Variants in NCK2 observed in about 807,000 individuals in gnomAD.
NCK2 encodes NCK adaptor protein 2.
Under a neutral mutation model 33.9 loss-of-function variants are expected in NCK2, and 16 were observed. That is an observed-to-expected ratio of 0.47 (90% CI 0.32 to 0.72). The LOEUF (loss-of-function observed/expected upper bound fraction) is 0.72. Among genes scored for constraint, NCK2 ranks in the 30% least tolerant of loss-of-function variants. The pLI is 0.03. For synonymous variants in NCK2, 273 were observed against 239.9 expected (o/e 1.14, Z -1.27); for missense variants, 418 against 537.3 (o/e 0.78, Z 2.19).
intron 1 of NCK2, among the ~76,000 whole-genome samples, chr2:105,800,205 G>A (rs796686402): frequency 2.6e-5 from 4 of 152,286 alleles, no homozygotes; most frequent in African/African-American, 9.6e-5. Context: ...CATGCCCAGG[G>A]TGAACACCAA....
At chr2:105,835,424 T>TATATATATACGTG (rs1553458625) in intron 2 of NCK2, among the ~76,000 whole-genome samples, 4 of 122,530 alleles carry the variant, frequency 3.3e-5, no homozygotes, top group Admixed American at 8.3e-5. Context: ...TATATATATA[T>TATATATATACGTG]TTTTTTTTTG....
chr2:105,750,037 A>C (rs200294110), intron 1 of NCK2, among the ~76,000 whole-genome samples: 7 of 144,552 alleles, frequency 4.8e-5, no homozygotes, highest in East Asian at 2.1e-4. Context: ...AAAGCAAACA[A>C]ACACACACAC....
chr2:105,862,391 A>AC (rs1438833260), intron 3 of NCK2, among the ~76,000 whole-genome samples: 1 of 152,134 alleles, frequency 6.6e-6, no homozygotes, highest in Non-Finnish European at 1.5e-5. Context: ...ATGTAATAGC[A>AC]CCCCAGGCCA....
intron 4 of NCK2, among the ~76,000 whole-genome samples, chr2:105,885,545 G>C (rs1307418794): frequency 6.6e-6 from 1 of 152,020 alleles, no homozygotes; most frequent in African/African-American, 2.4e-5. Flanking sequence ...ACTGTATGTA[G>C]TGTGTATCAG....
At chr2:105,745,831 C>T (rs573087658) in intron 1 of NCK2, 1 of 152,340 alleles carries the variant, frequency 6.6e-6, no homozygotes, top group Non-Finnish European at 1.5e-5. Flanking sequence ...TCGCTCGGCT[C>T]TCTCGGTTTT....
chr2:105,816,664 A>T (rs1675498171), intron 2 of NCK2, 51 bp downstream of exon 2: 1 of 152,222 alleles, frequency 6.6e-6, no homozygotes, highest in Non-Finnish European at 1.5e-5. Flanking sequence ...TTTTGCTTCA[A>T]ATGCTTAATT....
intron 1 of NCK2, among the ~76,000 whole-genome samples, chr2:105,813,962 T>G (rs1675386746): frequency 6.6e-6 from 1 of 152,244 alleles, no homozygotes; most frequent in African/African-American, 2.4e-5. Flanking sequence ...ACACTCCTTC[T>G]GTATATTCCT....
chr2:105,758,311 T>G lies in NCK2; in HGVS notation c.-201+13173T>G, dbSNP rs1263279462. On this transcript the variant is annotated intron_variant, in intron 1 of 4. Transcript: ENST00000233154. ...ATTGCACATCAATCCTGTGCACACA[T>G]TTTACAGGTTTGTTTTATCCTATTG... is the stretch of plus-strand genomic sequence containing the variant. Among the ~76,000 whole-genome samples the G allele has an allele frequency of 2.6e-5, 4 of 152,302 alleles. No individual in the cohort carries two copies. In the East Asian group the frequency reaches 7.7e-4, roughly 29 times the overall value.
At chr2:105,803,338 A>G (rs1239856046) in intron 1 of NCK2, among the ~76,000 whole-genome samples, 2 of 152,138 alleles carry the variant, frequency 1.3e-5, no homozygotes. Flanking sequence ...ATAAATAGGC[A>G]CTGCTATGTA....
At chr2:105,857,391 C>T (rs184327736) in intron 3 of NCK2, among the ~76,000 whole-genome samples, 3 of 152,224 alleles carry the variant, frequency 2.0e-5, no homozygotes, top group Non-Finnish European at 4.4e-5. Flanking sequence ...AGCGTCGGTT[C>T]GAGTAGGCCA....
chr2:105,891,708 G>C (rs375533115), intron 4 of NCK2, among the ~76,000 whole-genome samples: 25 of 151,814 alleles, frequency 1.6e-4, no homozygotes, highest in Middle Eastern at 6.8e-3. Context: ...CACCATGCCT[G>C]GCTAATTTTG....
intron 2 of NCK2, among the ~76,000 whole-genome samples, chr2:105,848,986 T>C (rs1676957138): frequency 6.6e-6 from 1 of 152,246 alleles, no homozygotes; most frequent in Non-Finnish European, 1.5e-5. Context: ...TATATTTTGG[T>C]ATGCACACAT....
chr2:105,763,672 A>G (rs1689838864), intron 1 of NCK2, among the ~76,000 whole-genome samples: 1 of 152,148 alleles, frequency 6.6e-6, no homozygotes, highest in Non-Finnish European at 1.5e-5. Flanking sequence ...GTTTATAATA[A>G]CTTCCAGTAT....
intron 2 of NCK2, chr2:105,854,051 T>G (rs1315015146): frequency 6.6e-6 from 1 of 152,186 alleles, no homozygotes; most frequent in African/African-American, 2.4e-5. Context: ...GGGAAGAAGA[T>G]TCAAAGGAAT....
intron 4 of NCK2, among the ~76,000 whole-genome samples, chr2:105,885,574 T>TA (rs1678689689): frequency 6.6e-6 from 1 of 152,164 alleles, no homozygotes; most frequent in Admixed American, 6.5e-5. Context: ...TGAAGCTTGT[T>TA]AAAACAAATT....
chr2:105,759,502 C>T (rs926156646), intron 1 of NCK2, among the ~76,000 whole-genome samples: 5 of 151,634 alleles, frequency 3.3e-5, no homozygotes, highest in Admixed American at 1.3e-4. Context: ...TTTAAGTAAG[C>T]GCTTAATTTT....
intron 1 of NCK2, among the ~76,000 whole-genome samples, chr2:105,792,750 C>A (rs550093334): frequency 1.3e-5 from 2 of 152,202 alleles, no homozygotes; most frequent in East Asian, 3.9e-4. Flanking sequence ...CAGTCTGGTG[C>A]GATTTTCTGG....
intron 1 of NCK2, among the ~76,000 whole-genome samples, chr2:105,787,638 G>A (rs35622044): frequency 0.24 from 36,530 of 152,012 alleles, 4,479 homozygotes; most frequent in Middle Eastern, 0.33. Flanking sequence ...GACTCAGGCA[G>A]TGAAGCTACC....
At chr2:105,870,848 C>A (rs1377979304) in intron 3 of NCK2, among the ~76,000 whole-genome samples, 1 of 152,102 alleles carries the variant, frequency 6.6e-6, no homozygotes, top group Non-Finnish European at 1.5e-5. Flanking sequence ...CACAGAGCCA[C>A]CAGACACAGC....
Sources: allele counts gnomAD v4.1 joint callset (sites outside exome capture counted in the v4.1 genomes callset), GRCh38; gene constraint gnomAD v4.1.1; transcripts MANE v1.5; gene names NCBI Gene and HGNC (gene_info 2026-07-23, HGNC 2026-07-21).